The following ADAMTS6 variants were observed in gnomAD, a reference collection of about 807,000 sequenced individuals.
The protein encoded by ADAMTS6 is A disintegrin and metalloproteinase with thrombospondin motifs 6.
A neutral mutation model predicts 144.3 loss-of-function variants in ADAMTS6; 23 were observed. The observed-to-expected ratio is 0.16, with a 90% CI of 0.11 to 0.23. The LOEUF (loss-of-function observed/expected upper bound fraction) is 0.23, where lower values mean the gene tolerates loss of function less well. Among genes scored for constraint, ADAMTS6 ranks in the 10% least tolerant of loss-of-function variants. The pLI is 1.00. For missense variants in ADAMTS6, 999 were observed against 1,379.6 expected (o/e 0.72, Z 4.37); for synonymous variants, 444 against 457.5 (o/e 0.97, Z 0.38).
At chr5:65,164,293 A>C (rs893016340) in intron 24 of ADAMTS6, among the ~76,000 whole-genome samples, 2 of 151,686 alleles carry the variant, frequency 1.3e-5, no homozygotes, top group Admixed American at 6.6e-5. Context: ...AAATCGGGTC[A>C]CTCCCACCCG....
chr5:65,175,083 C>A (rs1362027825), intron 22 of ADAMTS6, among the ~76,000 whole-genome samples: 2 of 152,074 alleles, frequency 1.3e-5, no homozygotes, highest in Non-Finnish European at 2.9e-5. Context: ...CATACATAGA[C>A]CCTTGGTTAC....
intron 15 of ADAMTS6, among the ~76,000 whole-genome samples, chr5:65,238,526 G>A (rs1758880061): frequency 6.6e-6 from 1 of 151,928 alleles, no homozygotes; most frequent in Admixed American, 6.6e-5. Context: ...CTTGAGCCCA[G>A]GAGGTGGAGG....
At chr5:65,420,970 T>C (rs1051715307) in intron 7 of ADAMTS6, among the ~76,000 whole-genome samples, 10 of 152,212 alleles carry the variant, frequency 6.6e-5, no homozygotes, top group African/African-American at 2.2e-4. Context: ...ACATGTTAAA[T>C]GAGTCTCTTG....
intron 4 of ADAMTS6, among the ~76,000 whole-genome samples, chr5:65,457,217 GAC>G (rs1207389095): frequency 1.3e-5 from 2 of 152,180 alleles, no homozygotes; most frequent in Non-Finnish European, 2.9e-5. Context: ...AGATATAGGG[GAC>G]AGATTTTACT....
intron 7 of ADAMTS6, among the ~76,000 whole-genome samples, chr5:65,339,998 A>C (rs1747667535): frequency 6.6e-6 from 1 of 152,166 alleles, no homozygotes; most frequent in South Asian, 2.1e-4. Flanking sequence ...TGGACTTCCA[A>C]AGTCTTAGGA....
At chr5:65,271,426 T>G (rs1762048639) in intron 12 of ADAMTS6, among the ~76,000 whole-genome samples, 1 of 151,944 alleles carries the variant, frequency 6.6e-6, no homozygotes, top group African/African-American at 2.4e-5. Context: ...CTCTATTTGC[T>G]TATTGAAATT....
At chr5:65,235,746 A>C (rs1042517856) in intron 15 of ADAMTS6, among the ~76,000 whole-genome samples, 5 of 152,122 alleles carry the variant, frequency 3.3e-5, no homozygotes, top group Non-Finnish European at 7.4e-5. Flanking sequence ...GGACCTTGTG[A>C]TCGTGTGAAC....
rs894577149 is a variant in ADAMTS6 at position 65,167,270 on chromosome 5, C to G, written c.3244+3347G>C. Among the ~76,000 whole-genome samples, 437 of 152,160 alleles carry G rather than the reference C, an allele frequency of 2.9e-3. 3 individuals carry two copies. Among genetic ancestry groups the G allele is most frequent in the African/African-American group, 9.8e-3 (408 of 41,520 alleles). Reference sequence around the variant, plus strand: ...CTACAAACACCTCTACGCAAATAAACTAGAAAATCTAGAAGAAATGGATAA... The same window carrying G: ...CTACAAACACCTCTACGCAAATAAAGTAGAAAATCTAGAAGAAATGGATAA... On this transcript the variant is annotated intron_variant, in intron 24 of 24. Transcript: ENST00000381055.
chr5:65,227,988 A>C (rs1172365540), intron 15 of ADAMTS6, among the ~76,000 whole-genome samples: 4 of 152,140 alleles, frequency 2.6e-5, no homozygotes, highest in African/African-American at 9.7e-5. Context: ...CTAACTTATA[A>C]TGTGATTTTT....
chr5:65,171,323 T>G (rs577966716), intron 23 of ADAMTS6, among the ~76,000 whole-genome samples: 1 of 152,182 alleles, frequency 6.6e-6, no homozygotes, highest in Admixed American at 6.5e-5. Context: ...TATTAACTTT[T>G]AAAGCCCACA....
In ADAMTS6 at chr5:65,162,904, G is replaced by C. The variant is rs149810666; in HGVS notation, c.3244+7713C>G. On this transcript the variant is annotated intron_variant, in intron 24 of 24. Transcript: ENST00000381055. ...TCTTACAGAAGACAGATTTTGTTCT[G>C]TTTTGTTTTGGGGGGGTTTTTCTGA... Among the ~76,000 whole-genome samples the C allele has an allele frequency of 7.2e-5, 11 of 152,218 alleles. No individual in the cohort carries two copies. In the East Asian group the frequency reaches 2.1e-3, roughly 29 times the overall value.
intron 7 of ADAMTS6, among the ~76,000 whole-genome samples, chr5:65,356,949 A>G (rs1431164209): frequency 6.6e-6 from 1 of 151,856 alleles, no homozygotes; most frequent in Non-Finnish European, 1.5e-5. Flanking sequence ...GGGTAATAAT[A>G]TTATTAATAA....
At chr5:65,401,994 T>G (rs1753957702) in intron 7 of ADAMTS6, among the ~76,000 whole-genome samples, 1 of 152,158 alleles carries the variant, frequency 6.6e-6, no homozygotes, top group South Asian at 2.1e-4. Flanking sequence ...GGCCTCTCAT[T>G]TATTTAACAT....
intron 7 of ADAMTS6, among the ~76,000 whole-genome samples, chr5:65,425,229 C>T (rs1406308545): frequency 3.3e-5 from 5 of 152,140 alleles, no homozygotes; most frequent in African/African-American, 1.2e-4. Flanking sequence ...GGTTTTGCCA[C>T]GTTGGCAAGG....
chr5:65,279,364 T>G (rs943955213), intron 11 of ADAMTS6, among the ~76,000 whole-genome samples: 1 of 152,184 alleles, frequency 6.6e-6, no homozygotes, highest in African/African-American at 2.4e-5. Context: ...TCACCCGGGC[T>G]AGAGTGCAAT....
intron 24 of ADAMTS6, among the ~76,000 whole-genome samples, chr5:65,167,208 C>A (rs1418884159): frequency 2.0e-5 from 3 of 150,364 alleles, no homozygotes; most frequent in African/African-American, 7.3e-5. Context: ...GATATCACCA[C>A]TGATCCCACA....
intron 4 of ADAMTS6, among the ~76,000 whole-genome samples, chr5:65,457,544 A>G (rs1759306361): frequency 6.6e-6 from 1 of 152,172 alleles, no homozygotes; most frequent in South Asian, 2.1e-4. Context: ...AATGTGATAC[A>G]TACTTCAAAA....
At chr5:65,339,222 T>C (rs1308717185) in intron 7 of ADAMTS6, among the ~76,000 whole-genome samples, 1 of 152,180 alleles carries the variant, frequency 6.6e-6, no homozygotes, top group Non-Finnish European at 1.5e-5. Flanking sequence ...CCAAGGTCAC[T>C]GAGAAATTCA....
At chr5:65,189,555 C>A (rs1232631411) in intron 21 of ADAMTS6, among the ~76,000 whole-genome samples, 1 of 152,136 alleles carries the variant, frequency 6.6e-6, no homozygotes, top group Non-Finnish European at 1.5e-5. Flanking sequence ...CTTCCCTCAG[C>A]TGTGTTACGT....
Sources: gnomAD v4.1 joint callset for allele counts (sites outside exome capture counted in the v4.1 genomes callset) on GRCh38, gnomAD v4.1.1 for gene constraint, MANE v1.5 for transcripts, NCBI Gene and HGNC (gene_info 2026-07-23, HGNC 2026-07-21) for gene names.